Variants in GRM8 observed in about 807,000 individuals in gnomAD.
The protein encoded by GRM8 is glutamate metabotropic receptor 8, also known as metabotropic glutamate receptor 8.
GRM8 carries 47 observed loss-of-function variants against 87.2 expected under a neutral mutation model. The observed-to-expected ratio is 0.54, with a 90% confidence interval of 0.43 to 0.69. The LOEUF is 0.69. GRM8 is among the 30% of genes least tolerant of loss of function. GRM8 has a pLI of 0.00. For synonymous variants in GRM8, 396 were observed against 404.5 expected (o/e 0.98, Z 0.25); for missense variants, 1,019 against 1,139.2 (o/e 0.89, Z 1.52).
At chr7:127,238,936 A>C (rs1798137132) in intron 2 of GRM8, among the ~76,000 whole-genome samples, 1 of 152,226 alleles carries the variant, frequency 6.6e-6, no homozygotes, top group African/African-American at 2.4e-5. Context: ...TTCCACAATT[A>C]GTGATCCTGA....
intron 2 of GRM8, among the ~76,000 whole-genome samples, chr7:127,139,290 C>G (rs1587117206): frequency 6.6e-6 from 1 of 152,048 alleles, no homozygotes; most frequent in African/African-American, 2.4e-5. Context: ...TATTGAGGGC[C>G]TCATGTTCTT....
chr7:126,993,081 G>A (rs766761531), intron 3 of GRM8, among the ~76,000 whole-genome samples: 2 of 152,042 alleles, frequency 1.3e-5, no homozygotes, highest in African/African-American at 2.4e-5. Context: ...TGGATCAGAC[G>A]ACTTGAGGTT....
At chr7:126,555,434 A>G (rs1350156777) in intron 8 of GRM8, among the ~76,000 whole-genome samples, 2 of 152,272 alleles carry the variant, frequency 1.3e-5, no homozygotes, top group Non-Finnish European at 2.9e-5. Context: ...AAGAACAGCT[A>G]TAAACTAGAA....
At chr7:126,704,686 A>G (rs182961085) in intron 7 of GRM8, among the ~76,000 whole-genome samples, 180 of 152,184 alleles carry the variant, frequency 1.2e-3, no homozygotes, top group African/African-American at 4.2e-3. Context: ...TCTATGGTCG[A>G]GCTGTAGGGA....
At chr7:126,670,385 G>A (rs531281126) in intron 7 of GRM8, among the ~76,000 whole-genome samples, 28 of 152,206 alleles carry the variant, frequency 1.8e-4, no homozygotes, top group Non-Finnish European at 3.8e-4. Flanking sequence ...ACTAATATAT[G>A]TTCCAAAATT....
intron 7 of GRM8, among the ~76,000 whole-genome samples, chr7:126,754,039 T>C (rs1350697796): frequency 2.0e-5 from 3 of 151,860 alleles, no homozygotes; most frequent in Non-Finnish European, 4.4e-5. Flanking sequence ...GATAATGATA[T>C]GGCATTTAAC....
chr7:126,923,702 G>T (rs1240311704), intron 3 of GRM8, among the ~76,000 whole-genome samples: 1 of 152,146 alleles, frequency 6.6e-6, no homozygotes, highest in Non-Finnish European at 1.5e-5. Context: ...TAGTGTCCTA[G>T]CTATGAAGTA....
intron 8 of GRM8, among the ~76,000 whole-genome samples, chr7:126,595,491 T>C (rs1797092372): frequency 6.6e-6 from 1 of 151,488 alleles, no homozygotes; most frequent in Admixed American, 6.6e-5. Flanking sequence ...GGTCTCAAAC[T>C]CCCGGACTCA....
intron 6 of GRM8, among the ~76,000 whole-genome samples, chr7:126,876,804 A>C (rs1185881723): frequency 6.6e-6 from 1 of 152,122 alleles, no homozygotes; most frequent in East Asian, 1.9e-4. Context: ...TAAACCACTA[A>C]AATTTCACAC....
At chr7:127,209,319 C>T (rs566807591) in intron 2 of GRM8, among the ~76,000 whole-genome samples, 1 of 152,326 alleles carries the variant, frequency 6.6e-6, no homozygotes, top group Admixed American at 6.5e-5. Flanking sequence ...AACACCCCAC[C>T]ACCTTTTGTA....
At chr7:126,451,010 C>G (rs1344503983) in intron 9 of GRM8, among the ~76,000 whole-genome samples, 2 of 151,880 alleles carry the variant, frequency 1.3e-5, no homozygotes, top group African/African-American at 4.8e-5. Context: ...GTTTAATGCT[C>G]TGCCACGAAT....
intron 2 of GRM8, among the ~76,000 whole-genome samples, chr7:127,144,930 A>C (rs1053888518): frequency 2.0e-5 from 3 of 152,128 alleles, no homozygotes; most frequent in Admixed American, 1.3e-4. Context: ...GCAGAAAAAA[A>C]TGATCTTTCA....
At chr7:126,450,282 A>G (rs1194252718) in intron 9 of GRM8, among the ~76,000 whole-genome samples, 1 of 151,776 alleles carries the variant, frequency 6.6e-6, no homozygotes, top group African/African-American at 2.4e-5. Context: ...TATTTTTGCA[A>G]CCCCTTAGTA....
At chr7:126,578,366 A>G (rs533644657) in intron 8 of GRM8, among the ~76,000 whole-genome samples, 1 of 152,188 alleles carries the variant, frequency 6.6e-6, no homozygotes, top group African/African-American at 2.4e-5. Flanking sequence ...ATAACAGAAA[A>G]GAGAAGGATA....
chr7:126,805,145 C>T (rs1173556626), intron 6 of GRM8, among the ~76,000 whole-genome samples: 1 of 152,136 alleles, frequency 6.6e-6, no homozygotes, highest in Non-Finnish European at 1.5e-5. Context: ...AAGAAATTGG[C>T]TCAGAAAGGT....
At chr7:126,944,232 T>G (rs2131556942) in intron 3 of GRM8, among the ~76,000 whole-genome samples, 1 of 152,316 alleles carries the variant, frequency 6.6e-6, no homozygotes, top group South Asian at 2.1e-4. Context: ...TCTTATAATG[T>G]GATCTGAAAT....
chr7:127,199,229 G>T (rs2116543766), intron 2 of GRM8, among the ~76,000 whole-genome samples: 1 of 152,292 alleles, frequency 6.6e-6, no homozygotes, highest in East Asian at 1.9e-4. Flanking sequence ...CCAAAGTGCA[G>T]GTGTTACAGG....
intron 9 of GRM8, among the ~76,000 whole-genome samples, chr7:126,471,366 T>C (rs1805199887): frequency 6.6e-6 from 1 of 152,182 alleles, no homozygotes; most frequent in African/African-American, 2.4e-5. Flanking sequence ...TTAATTTGTG[T>C]ATAAGGTGTA....
chr7:127,110,763 C>T (rs1826274458), intron 2 of GRM8, among the ~76,000 whole-genome samples: 1 of 152,174 alleles, frequency 6.6e-6, no homozygotes, highest in African/African-American at 2.4e-5. Context: ...AGCTCCAGAA[C>T]AAACATTTCC....
Sources: gnomAD v4.1 joint callset for allele counts (sites outside exome capture counted in the v4.1 genomes callset) on GRCh38, gnomAD v4.1.1 for gene constraint, MANE v1.5 for transcripts, NCBI Gene and HGNC (gene_info 2026-07-23, HGNC 2026-07-21) for gene names.